MRRF: variants seen among roughly 807,000 people sequenced by gnomAD.
MRRF encodes mitochondrial ribosome recycling factor.
A neutral mutation model predicts 25.1 loss-of-function variants in MRRF; 18 were observed. The ratio of observed to expected loss-of-function variants is 0.72; its 90% confidence interval spans 0.50 to 1.06. The LOEUF is 1.06. MRRF is among the 50% of genes least tolerant of loss of function. The probability of loss-of-function intolerance (pLI) is 0.00; values close to 1 mark genes in which losing one functional copy is unlikely to be tolerated. For missense variants in MRRF, 323 were observed against 319.3 expected, an observed-to-expected ratio of 1.01 and a Z score of -0.09; for synonymous variants, 113 against 112.1, an observed-to-expected ratio of 1.01 and a Z score of -0.05.
chr9:122,288,086 A>T (rs2118768052), intron 4 of MRRF, among the ~76,000 whole-genome samples: 1 of 152,344 alleles, frequency 6.6e-6, no homozygotes, highest in Middle Eastern at 3.4e-3. Flanking sequence ...GAAGACAGAA[A>T]ACTGTGTTGC....
At chr9:122,271,155 A>G (rs1564469797) in intron 2 of MRRF, 80 bp downstream of exon 2, 21 of 1,197,986 alleles carry the variant, frequency 1.8e-5, no homozygotes, top group Non-Finnish European at 2.1e-5. Flanking sequence ...GGTATCTCAG[A>G]TGTACTGAAT....
At chr9:122,291,864 A>G (rs1588042455) in intron 5 of MRRF, 24 bp downstream of exon 5, 1 of 1,546,654 alleles carries the variant, frequency 6.5e-7, no homozygotes, top group Admixed American at 1.7e-5. Context: ...AAATTCACAT[A>G]TTTTGATGAA....
At chr9:122,285,806 T>G (rs911141505) in intron 4 of MRRF, 2 of 1,282,612 alleles carry the variant, frequency 1.6e-6, no homozygotes, top group African/African-American at 3.1e-5. Context: ...AACAATACTT[T>G]AATGGGCCAA....
chr9:122,315,271 G>A (rs991878611), intron 6 of MRRF, among the ~76,000 whole-genome samples: 8 of 152,064 alleles, frequency 5.3e-5, no homozygotes, highest in Non-Finnish European at 1.2e-4. Flanking sequence ...CCTGTAGCTG[G>A]GATAACAGAT....
intron 2 of MRRF, among the ~76,000 whole-genome samples, 199 bp downstream of exon 2, chr9:122,271,274 T>G (rs1832443390): frequency 6.6e-6 from 1 of 152,236 alleles, no homozygotes; most frequent in Non-Finnish European, 1.5e-5. Context: ...GTTTTCTCAT[T>G]ACCATGCTGC....
At chr9:122,306,323 A>G (rs1834844924) in intron 5 of MRRF, among the ~76,000 whole-genome samples, 7 of 152,224 alleles carry the variant, frequency 4.6e-5, no homozygotes, top group Admixed American at 3.9e-4. Flanking sequence ...TATTGAGTAC[A>G]TCCCATGTAC....
chr9:122,303,861 T>C (rs1834639259), intron 5 of MRRF, among the ~76,000 whole-genome samples: 1 of 152,238 alleles, frequency 6.6e-6, no homozygotes, highest in Non-Finnish European at 1.5e-5. Flanking sequence ...CTCCTTGGGC[T>C]GCCGACGTGA....
At chr9:122,270,255 G>A (rs567449278) in intron 1 of MRRF, among the ~76,000 whole-genome samples, 4 of 152,302 alleles carry the variant, frequency 2.6e-5, no homozygotes, top group South Asian at 2.1e-4. Flanking sequence ...TGTAGAATGC[G>A]TAACTTGTGT....
intron 4 of MRRF, among the ~76,000 whole-genome samples, chr9:122,290,564 G>A (rs1833696967): frequency 6.6e-6 from 1 of 152,124 alleles, no homozygotes; most frequent in South Asian, 2.1e-4. Flanking sequence ...TATGGGCAGA[G>A]AACCCAGAAA....
At chr9:122,304,411 C>G (rs1008732226) in intron 5 of MRRF, among the ~76,000 whole-genome samples, 2 of 152,166 alleles carry the variant, frequency 1.3e-5, no homozygotes, top group Admixed American at 1.3e-4. Flanking sequence ...TTGCAGGTCC[C>G]AAGTGTGTGG....
intron 5 of MRRF, among the ~76,000 whole-genome samples, chr9:122,305,627 G>T (rs759042420): frequency 7.2e-5 from 11 of 152,182 alleles, no homozygotes; most frequent in Non-Finnish European, 1.2e-4. Flanking sequence ...CTGAAGGGGA[G>T]CAGATGACAC....
chr9:122,283,604 T>G (rs557298263), intron 3 of MRRF, among the ~76,000 whole-genome samples: 6 of 152,234 alleles, frequency 3.9e-5, no homozygotes, highest in Admixed American at 2.6e-4. Flanking sequence ...TTCTGTCTTA[T>G]GATGACATTG....
intron 2 of MRRF, among the ~76,000 whole-genome samples, chr9:122,272,644 G>A (rs749784147): frequency 4.3e-4 from 65 of 152,188 alleles, no homozygotes; most frequent in African/African-American, 1.5e-3. Context: ...AGATTTATTC[G>A]ATTCTTTCAT....
rs559154460 is a variant in MRRF at position 122,298,783 on chromosome 9, A to C, written c.551+6943A>C. 3.9e-4 allele frequency among the ~76,000 whole-genome samples: 60 copies of C among 152,256 alleles called. 2 individuals are homozygous for C. In the South Asian group the frequency reaches 0.012, roughly 30 times the overall value. On this transcript the variant is annotated intron_variant, in intron 5 of 6. Transcript: ENST00000344641. The stretch of plus-strand genomic sequence containing the variant: ...ACTGGGGAGATGGTTAACAACACAC[A>C]CATATAGTTTGTATGTGTCGGATGG...
At chr9:122,319,568 A>C (rs1168584226) in intron 6 of MRRF, among the ~76,000 whole-genome samples, 1 of 152,046 alleles carries the variant, frequency 6.6e-6, no homozygotes, top group Admixed American at 6.5e-5. Context: ...GAAGTAACAG[A>C]AGATAAAACA....
chr9:122,282,136 AAACTT>A (rs1014696406), intron 3 of MRRF, among the ~76,000 whole-genome samples: 30 of 152,338 alleles, frequency 2.0e-4, no homozygotes, highest in African/African-American at 6.7e-4. Flanking sequence ...GAAACAGACT[AAACTT>A]AACTAGTCTC....
At chr9:122,269,080 GGCGT>G (rs763640645) in intron 1 of MRRF, among the ~76,000 whole-genome samples, 20 of 151,430 alleles carry the variant, frequency 1.3e-4, no homozygotes, top group Non-Finnish European at 2.4e-4. Flanking sequence ...GCAGTAGAAT[GGCGT>G]GTACCCGGGA....
Position 122,322,539 on chromosome 9 carries a change from G to C in MRRF, c.712-1G>C, listed in dbSNP as rs1410081517. The C allele has an allele frequency of 1.9e-6, 3 of 1,614,020 alleles. No homozygotes were observed. In the East Asian group the frequency reaches 6.7e-5, roughly 36 times the overall value. The stretch of plus-strand genomic sequence containing the variant: ...GGCTGTCTCATTTTGTGTTCTTGCA[G>C]ATCAGCCAAATGGCCGATGACACAG... On this transcript the variant is annotated splice_acceptor_variant, in intron 6 of 6. Coordinates refer to ENST00000344641, the MANE Select transcript of MRRF (RefSeq NM_138777.5). LOFTEE classifies it high-confidence loss of function.
rs1836221457 is a variant in MRRF, at chr9:122,329,297, C to A, written c.*6680C>A. ...TTCAAGCCTTTTCTTAGGCTATTTT[C>A]TTTGCCTAGTGTATGCTCCCTTAAA... is the stretch of plus-strand genomic sequence containing the variant. On this transcript the variant is annotated 3_prime_UTR_variant, in exon 7 of 7. Coordinates refer to ENST00000344641, the MANE Select transcript of MRRF (RefSeq NM_138777.5). The A allele has an allele frequency of 6.6e-6, 1 of 152,328 alleles. No homozygotes were observed. Among genetic ancestry groups the A allele is most frequent in the Non-Finnish European group, 1.5e-5 (1 of 68,028 alleles). 9.4% of individuals were successfully genotyped at this position (152,328 alleles called of 1,614,324 possible). A position where few individuals can be genotyped will look rare whatever the true frequency, so the allele number is the denominator to read the frequency against.
Sources: allele counts gnomAD v4.1 joint callset (sites outside exome capture counted in the v4.1 genomes callset), GRCh38; gene constraint gnomAD v4.1.1; transcripts MANE v1.5; gene names NCBI Gene and HGNC (gene_info 2026-07-23, HGNC 2026-07-21).